The following TMEM87A variants were observed in gnomAD, a reference collection of about 807,000 sequenced individuals.
TMEM87A encodes the protein Golgi-pH regulating cation channel.
A neutral mutation model predicts 90.0 loss-of-function variants in TMEM87A; 50 were observed. The observed-to-expected ratio is 0.56, with a 90% CI of 0.44 to 0.70. The LOEUF (loss-of-function observed/expected upper bound fraction) is 0.70. Among genes scored for constraint, TMEM87A ranks in the 30% least tolerant of loss-of-function variants. The pLI, the probability that TMEM87A is intolerant of heterozygous loss-of-function variation, is 0.00. For missense variants in TMEM87A, 577 were observed against 660.5 expected, an observed-to-expected ratio of 0.87 and a Z score of 1.39; for synonymous variants, 226 against 226.7, an observed-to-expected ratio of 1.00 and a Z score of 0.03.
rs1206600202 is a variant in TMEM87A at position 42,219,215 on chromosome 15, G to C, written c.1539+366C>G. On this transcript the variant is annotated intron_variant, in intron 17 of 19. Coordinates refer to ENST00000389834, the MANE Select transcript of TMEM87A (RefSeq NM_015497.5). ...TGGCCATTTGTAGGTGTTATGTTAA[G>C]AAATGTATATTCAGGTCCATTGCCC... 2.6e-5 allele frequency among the ~76,000 whole-genome samples: 4 copies of C among 152,158 alleles called. No individual in the cohort carries two copies. In the East Asian group the frequency reaches 7.7e-4, roughly 29 times the overall value.
At chr15:42,212,309 C>T (rs951027718) in intron 19 of TMEM87A, among the ~76,000 whole-genome samples, 2 of 152,004 alleles carry the variant, frequency 1.3e-5, no homozygotes, top group Non-Finnish European at 2.9e-5. Flanking sequence ...CAATTTTATA[C>T]CTTAGAGTTA....
chr15:42,243,360 G>T (rs940547396), intron 7 of TMEM87A, among the ~76,000 whole-genome samples: 3 of 151,124 alleles, frequency 2.0e-5, no homozygotes, highest in Non-Finnish European at 4.4e-5. Context: ...AAAACACAAA[G>T]AAGAAACAAG....
intron 3 of TMEM87A, among the ~76,000 whole-genome samples, chr15:42,266,585 A>G (rs910950701): frequency 1.3e-5 from 2 of 152,200 alleles, no homozygotes; most frequent in Non-Finnish European, 2.9e-5. Context: ...TACAAAAGCA[A>G]TAGTGGGTAA....
At chr15:42,249,653 T>G (rs1418273432) in intron 6 of TMEM87A, among the ~76,000 whole-genome samples, 1 of 151,468 alleles carries the variant, frequency 6.6e-6, no homozygotes, top group Non-Finnish European at 1.5e-5. Context: ...GAGACGGTTG[T>G]GACTTCTTTT....
upstream of TMEM87A, chr15:42,273,583 C>T (rs967690141): frequency 2.9e-6 from 3 of 1,035,506 alleles, no homozygotes; most frequent in African/African-American, 1.6e-5. Context: ...TTTGGACCTA[C>T]TGCGCAGGCG....
intron 6 of TMEM87A, among the ~76,000 whole-genome samples, chr15:42,256,954 G>C (rs2051196013): frequency 6.6e-6 from 1 of 152,180 alleles, no homozygotes; most frequent in African/African-American, 2.4e-5. Context: ...GTAAGCTCTA[G>C]CGATCTGCCT....
Position 42,231,172 on chromosome 15 carries a change from C to T in TMEM87A, c.1131+20G>A. The T allele has an allele frequency of 6.3e-7, 1 of 1,588,706 alleles. No homozygotes were observed. Among genetic ancestry groups the T allele is most frequent in the Non-Finnish European group, 8.5e-7 (1 of 1,171,674 alleles). ...GGGGAGAAAATGGACCATCATCAAA[C>T]AAGCCAATGAGAAGGATATCCACCA... On this transcript the variant is annotated intron_variant, in intron 12 of 19. Coordinates refer to ENST00000389834, the MANE Select transcript of TMEM87A (RefSeq NM_015497.5).
intron 6 of TMEM87A, among the ~76,000 whole-genome samples, chr15:42,252,008 G>A (rs563013821): frequency 6.6e-6 from 1 of 152,362 alleles, no homozygotes; most frequent in African/African-American, 2.4e-5. Flanking sequence ...TGGGACTGCT[G>A]CACTTGCAGT....
intron 6 of TMEM87A, among the ~76,000 whole-genome samples, chr15:42,255,232 C>T (rs1056201774): frequency 5.9e-5 from 9 of 152,098 alleles, no homozygotes; most frequent in African/African-American, 1.9e-4. Context: ...CTCCCAGGTT[C>T]AAGCCATTCT....
chr15:42,243,734 G>A (rs1057044484), intron 7 of TMEM87A, among the ~76,000 whole-genome samples: 3 of 151,804 alleles, frequency 2.0e-5, no homozygotes, highest in African/African-American at 7.3e-5. Context: ...GGTCAGGCTG[G>A]TCTTAAAACT....
intron 7 of TMEM87A, among the ~76,000 whole-genome samples, chr15:42,242,372 G>A (rs922004833): frequency 6.6e-6 from 1 of 152,178 alleles, no homozygotes; most frequent in East Asian, 1.9e-4. Flanking sequence ...TGAAGAAGCT[G>A]AAGTAGGGTG....
rs773746117 is a variant in TMEM87A at position 42,273,348 on chromosome 15, C to G, written c.51G>C (p.Leu17=). 2 of 1,614,132 alleles carry G rather than the reference C, an allele frequency of 1.2e-6. No individual in the cohort carries two copies. Among genetic ancestry groups the G allele is most frequent in the South Asian group, 2.2e-5 (2 of 91,088 alleles). The change falls in exon 1 of 20, where the codon CTG becomes CTC. Residue 17 remains leucine (L), a synonymous_variant. Transcript: ENST00000389834. The part of the protein sequence containing the change: ...LQVLPVILLL[L]GAHPSPLSFF... ...ACGACAGTGGTGACGGGTGAGCTCCCAGAAGCAGAAGAATGACAGGCAACA... is the reference window on the plus strand; with the variant it reads ...ACGACAGTGGTGACGGGTGAGCTCCGAGAAGCAGAAGAATGACAGGCAACA...
intron 13 of TMEM87A, 30 bp downstream of exon 13, chr15:42,228,682 T>C (rs756170480): frequency 7.6e-6 from 12 of 1,579,532 alleles, no homozygotes; most frequent in Non-Finnish European, 1.0e-5. Flanking sequence ...AGATCACATT[T>C]GAACTCCAAG....
chr15:42,237,867 T>C (rs192474663), intron 8 of TMEM87A, among the ~76,000 whole-genome samples: 1 of 152,210 alleles, frequency 6.6e-6, no homozygotes, highest in East Asian at 1.9e-4. Flanking sequence ...AAAAATATAT[T>C]CTACCTTCTA....
At chr15:42,261,922 C>A (rs1032620209) in intron 4 of TMEM87A, among the ~76,000 whole-genome samples, 2 of 152,214 alleles carry the variant, frequency 1.3e-5, no homozygotes, top group Admixed American at 6.5e-5. Flanking sequence ...GCGTGAGCCA[C>A]CGCGCCCGGC....
At chr15:42,256,729 G>C (rs1342113528) in intron 6 of TMEM87A, among the ~76,000 whole-genome samples, 1 of 152,098 alleles carries the variant, frequency 6.6e-6, no homozygotes, top group Non-Finnish European at 1.5e-5. Flanking sequence ...TTTTGCTGTT[G>C]TTTTTGTTTT....
chr15:42,244,007 A>G, intron 7 of TMEM87A, 43 bp downstream of exon 7: 1 of 1,187,320 alleles, frequency 8.4e-7, no homozygotes, highest in Admixed American at 2.6e-5. Flanking sequence ...TGAATGACAT[A>G]ACCAGATAAT....
intron 6 of TMEM87A, among the ~76,000 whole-genome samples, chr15:42,248,805 AGT>A (rs1265044237): frequency 2.6e-5 from 4 of 152,122 alleles, no homozygotes; most frequent in Admixed American, 1.3e-4. Flanking sequence ...TCATAAAATG[AGT>A]TAGGGAGGAT....
chr15:42,241,942 C>T (rs2050877628), intron 7 of TMEM87A, among the ~76,000 whole-genome samples: 2 of 151,390 alleles, frequency 1.3e-5, no homozygotes, highest in Admixed American at 1.3e-4. Flanking sequence ...TGGTGCAGGC[C>T]AGCAATCCCA....
Sources: allele counts gnomAD v4.1 joint callset (sites outside exome capture counted in the v4.1 genomes callset), GRCh38; gene constraint gnomAD v4.1.1; transcripts MANE v1.5; gene names NCBI Gene and HGNC (gene_info 2026-07-23, HGNC 2026-07-21).